SAMSN1: variants seen among roughly 807,000 people sequenced by gnomAD.
SAMSN1 encodes the protein SAM domain-containing protein SAMSN-1.
In SAMSN1, 31 loss-of-function variants were observed where a neutral mutation model predicts 42.0. The observed-to-expected ratio is 0.74, with a 90% CI of 0.55 to 1.00. SAMSN1 has a LOEUF of 1.00. Ranked by LOEUF, SAMSN1 falls within the 50% of genes least tolerant of loss-of-function variation. The pLI, the probability that SAMSN1 is intolerant of heterozygous loss-of-function variation, is 0.00. For synonymous variants in SAMSN1, 178 were observed against 151.9 expected, an observed-to-expected ratio of 1.17 and a Z score of -1.26; for missense variants, 464 against 439.4, an observed-to-expected ratio of 1.06 and a Z score of -0.50.
intron 2 of SAMSN1, among the ~76,000 whole-genome samples, chr21:14,577,413 C>T (rs1981543313): frequency 6.7e-6 from 1 of 149,626 alleles, no homozygotes; most frequent in South Asian, 2.1e-4. Flanking sequence ...ACACCTGGCC[C>T]CATTTCTTAA....
intron 2 of SAMSN1, among the ~76,000 whole-genome samples, chr21:14,569,914 T>C (rs1339747352): frequency 6.6e-6 from 1 of 152,160 alleles, no homozygotes; most frequent in Non-Finnish European, 1.5e-5. Flanking sequence ...AACTTTTTTT[T>C]TTCTAAAAGG....
At chr21:14,630,409 A>G (rs992721004) in intron 2 of SAMSN1, among the ~76,000 whole-genome samples, 1 of 151,426 alleles carries the variant, frequency 6.6e-6, no homozygotes. Context: ...AGAGATGATT[A>G]AAGAGATAAC....
At chr21:14,564,526 C>T (rs1431775863) in intron 2 of SAMSN1, among the ~76,000 whole-genome samples, 1 of 152,112 alleles carries the variant, frequency 6.6e-6, no homozygotes, top group Non-Finnish European at 1.5e-5. Flanking sequence ...AGAGTTAAAC[C>T]CAGGCCTGTC....
At chr21:14,597,629 C>T (rs1568825441) in intron 6 of SAMSN1, among the ~76,000 whole-genome samples, 1 of 152,112 alleles carries the variant, frequency 6.6e-6, no homozygotes, top group Non-Finnish European at 1.5e-5. Context: ...ATGTATTCGG[C>T]TTTGAGGAAG....
At chr21:14,505,956 C>T (rs1480507581) in intron 5 of SAMSN1, among the ~76,000 whole-genome samples, 2 of 151,852 alleles carry the variant, frequency 1.3e-5, no homozygotes, top group Admixed American at 6.6e-5. Context: ...ACCTTCAAAA[C>T]CATGCAAATA....
chr21:14,578,426 C>T (rs1297290107), intron 2 of SAMSN1, among the ~76,000 whole-genome samples: 4 of 152,028 alleles, frequency 2.6e-5, no homozygotes, highest in Admixed American at 6.6e-5. Context: ...CACCTAAAAA[C>T]TCTGATGTAA....
intron 5 of SAMSN1, chr21:14,609,423 C>A: frequency 1.4e-6 from 1 of 709,854 alleles, no homozygotes; most frequent in Non-Finnish European, 2.6e-6. Context: ...TTTTTCTTAC[C>A]TGCCCTTTAA....
At chr21:14,645,337 G>T (rs1440945142) in intron 1 of SAMSN1, among the ~76,000 whole-genome samples, 4 of 152,238 alleles carry the variant, frequency 2.6e-5, no homozygotes, top group Non-Finnish European at 5.9e-5. Flanking sequence ...CTGTATGTTT[G>T]GGAGAAAGTA....
At chr21:14,510,924 C>A (rs1476856817) in intron 4 of SAMSN1, among the ~76,000 whole-genome samples, 1 of 152,186 alleles carries the variant, frequency 6.6e-6, no homozygotes, top group Non-Finnish European at 1.5e-5. Context: ...ATATCTGCAT[C>A]CCCATGTGGT....
At chr21:14,572,849 C>T (rs1315946223) in intron 2 of SAMSN1, among the ~76,000 whole-genome samples, 3 of 152,080 alleles carry the variant, frequency 2.0e-5, no homozygotes, top group Non-Finnish European at 4.4e-5. Context: ...ATTACAAAGC[C>T]ATGATCTTTG....
intron 2 of SAMSN1, among the ~76,000 whole-genome samples, chr21:14,569,464 A>G (rs1296376950): frequency 6.6e-6 from 1 of 152,132 alleles, no homozygotes; most frequent in African/African-American, 2.4e-5. Context: ...GTACAAAAAA[A>G]TTAGTGCTGA....
chr21:14,607,304 G>T (rs1398552249), intron 5 of SAMSN1, among the ~76,000 whole-genome samples: 1 of 152,114 alleles, frequency 6.6e-6, no homozygotes, highest in African/African-American at 2.4e-5. Flanking sequence ...AATATTTTAG[G>T]TTGATACATA....
chr21:14,594,631 A>G (rs1194465776), intron 6 of SAMSN1: 3 of 152,260 alleles, frequency 2.0e-5, no homozygotes, highest in African/African-American at 7.2e-5. Context: ...GTAACCTTCT[A>G]ACTGTCAGCT....
intron 4 of SAMSN1, among the ~76,000 whole-genome samples, chr21:14,611,926 G>A (rs1360623403): frequency 6.6e-6 from 1 of 151,964 alleles, no homozygotes; most frequent in African/African-American, 2.4e-5. Context: ...CATAAGTTTG[G>A]CACACTACAT....
At chr21:14,528,435 C>T (rs1214574383) in intron 1 of SAMSN1, among the ~76,000 whole-genome samples, 2 of 152,124 alleles carry the variant, frequency 1.3e-5, no homozygotes, top group Non-Finnish European at 2.9e-5. Context: ...CCATAAGGCA[C>T]CCTCTGCCTG....
At chr21:14,545,126 G>A (rs2123160973) in intron 1 of SAMSN1, among the ~76,000 whole-genome samples, 1 of 152,174 alleles carries the variant, frequency 6.6e-6, no homozygotes, top group African/African-American at 2.4e-5. Flanking sequence ...GTGTCAGAAA[G>A]AATTAATATT....
intron 1 of SAMSN1, among the ~76,000 whole-genome samples, chr21:14,649,783 A>ACACC (rs1983798845): frequency 6.8e-6 from 1 of 147,364 alleles, no homozygotes; most frequent in Non-Finnish European, 1.5e-5. Context: ...ACACACACAC[A>ACACC]CACACACACA....
At chr21:14,630,399 A>G (rs1372182388) in intron 2 of SAMSN1, among the ~76,000 whole-genome samples, 1 of 146,370 alleles carries the variant, frequency 6.8e-6, no homozygotes, top group East Asian at 1.9e-4. Flanking sequence ...TTTTTTTTTT[A>G]GAGATGATTA....
At chr21:14,516,495 G>T (rs890882402) in intron 3 of SAMSN1, among the ~76,000 whole-genome samples, 2 of 152,130 alleles carry the variant, frequency 1.3e-5, no homozygotes, top group Non-Finnish European at 2.9e-5. Context: ...GGGTTCAAGC[G>T]ATTCTCCTTC....
Sources: gnomAD v4.1 joint callset for allele counts (sites outside exome capture counted in the v4.1 genomes callset) on GRCh38, gnomAD v4.1.1 for gene constraint, MANE v1.5 for transcripts, NCBI Gene and HGNC (gene_info 2026-07-23, HGNC 2026-07-21) for gene names.